The following PAK3 variants were observed in gnomAD, a reference collection of about 807,000 sequenced individuals.
PAK3 encodes serine/threonine-protein kinase PAK 3.
Under a neutral mutation model 41.0 loss-of-function variants are expected in PAK3, and 4 were observed. The observed-to-expected ratio is 0.10, with a 90% confidence interval of 0.05 to 0.22. The LOEUF (loss-of-function observed/expected upper bound fraction) is 0.22. PAK3 is among the 10% of genes least tolerant of loss of function. PAK3 has a pLI of 1.00. For missense variants in PAK3, 205 were observed against 409.9 expected, an observed-to-expected ratio of 0.50 and a Z score of 4.32; for synonymous variants, 146 against 139.6, an observed-to-expected ratio of 1.05 and a Z score of -0.32.
At chrX:111,094,709 A>ACGG (rs1221795022), upstream of PAK3, among the ~76,000 whole-genome samples, 1 of 67,184 alleles carries the variant, frequency 1.5e-5, no homozygotes, top group Non-Finnish European at 2.6e-5. Context: ...TTTTTTGGAG[A>ACGG]CGGAGTTTTG....
chrX:111,012,586 A>G, intron 1 of PAK3, among the ~76,000 whole-genome samples: 1 of 112,094 alleles, frequency 8.9e-6, no homozygotes, highest in East Asian at 2.8e-4. Flanking sequence ...ATAAAAGGGG[A>G]ATTGGAAAGG....
intron 10 of PAK3, chrX:111,169,420 C>G (rs776912172): frequency 9.6e-5 from 12 of 124,777 alleles, no homozygotes; most frequent in Non-Finnish European, 1.9e-4. Context: ...CCCTTCAGTT[C>G]TAATTCTTAC....
Position 111,226,314 on chromosome X carries a change from T to A in PAK3, c.*5867T>A, listed in dbSNP as rs2094952977. On this transcript the variant is annotated 3_prime_UTR_variant, in exon 18 of 18. Transcript: ENST00000372007. ...CCATTTTCTGTTGACTGTTCCCAGT[T>A]TTCATTTTCCATACAGTCTGTATGT... The A allele has an allele frequency of 8.9e-6, 1 of 112,486 alleles. No individual in the cohort carries two copies. The highest frequency in any genetic ancestry group is 3.2e-5 in the African/African-American group (1 of 30,937). The allele number at this position is 112,486 out of a possible 1,213,427, so 9.3% of individuals were successfully genotyped here.
At chrX:111,127,787 C>T (rs922656364) in intron 5 of PAK3, among the ~76,000 whole-genome samples, 2 of 111,420 alleles carry the variant, frequency 1.8e-5, no homozygotes, top group Non-Finnish European at 3.8e-5. Context: ...CTGCCAGGCT[C>T]CATTTCGTGT....
At chrX:111,132,136 A>T (rs754573541) in intron 5 of PAK3, among the ~76,000 whole-genome samples, 11 of 110,787 alleles carry the variant, frequency 9.9e-5, no homozygotes, top group Non-Finnish European at 1.9e-4. Flanking sequence ...GTAACAGATA[A>T]ATCAATGGAC....
chrX:110,956,110 T>A (rs1412315934), intron 1 of PAK3, among the ~76,000 whole-genome samples: 1 of 111,816 alleles, frequency 8.9e-6, no homozygotes, highest in Non-Finnish European at 1.9e-5. Context: ...CAATAGATAG[T>A]GTTTATTTAT....
At chrX:111,147,651 C>T in intron 6 of PAK3, 86 bp from the exon 7 acceptor site, 2 of 662,663 alleles carry the variant, frequency 3.0e-6, no homozygotes, top group Admixed American at 2.2e-5. Context: ...GTAGCATGGG[C>T]TTCTTGGTGA....
intron 1 of PAK3, among the ~76,000 whole-genome samples, chrX:111,010,073 T>A (rs2091989718): frequency 8.9e-6 from 1 of 112,369 alleles, no homozygotes. Flanking sequence ...AACTTCCTAG[T>A]TTTTGACGTT....
chrX:111,224,553 C>T lies in PAK3; in HGVS notation c.*4106C>T, dbSNP rs189138278. On this transcript the variant is annotated 3_prime_UTR_variant, in exon 18 of 18. Transcript: ENST00000372007. Reference sequence around the variant, plus strand: ...GTTATGACTTGCAATTAAAAGCTGACTTTGAAATCATTAAACAAATATGTA... The same window carrying T: ...GTTATGACTTGCAATTAAAAGCTGATTTTGAAATCATTAAACAAATATGTA... The T allele has an allele frequency of 3.1e-3, 348 of 112,537 alleles. 2 individuals are homozygous for T. The highest frequency in any genetic ancestry group is 0.011 in the African/African-American group (332 of 31,056). 9.3% of individuals were successfully genotyped at this position (112,537 alleles called of 1,213,427 possible). A position where few individuals can be genotyped will look rare whatever the true frequency, so the allele number is the denominator to read the frequency against.
At chrX:111,137,565 A>G (rs766603629) in intron 5 of PAK3, among the ~76,000 whole-genome samples, 1 of 111,716 alleles carries the variant, frequency 9.0e-6, no homozygotes, top group South Asian at 3.8e-4. Context: ...TGTTTCTGAT[A>G]GGACAAACTC....
chrX:111,137,643 T>G (rs1381248755), intron 5 of PAK3, among the ~76,000 whole-genome samples: 1 of 111,678 alleles, frequency 9.0e-6, no homozygotes, highest in African/African-American at 3.3e-5. Flanking sequence ...TAGAGGGACT[T>G]CTCATTCTTT....
At position 111,062,179 on chromosome X, in the gene PAK3, C is replaced by T. The variant is rs191361048; in HGVS notation, c.-27-60898C>T. ...ATAATTTGTCACTTCATTTTTAAAC[C>T]TATTTTTTCTCTCTCATTGCATTGG... On this transcript the variant is annotated intron_variant, in intron 1 of 14. Transcript: ENST00000425146. Among the ~76,000 whole-genome samples the T allele has an allele frequency of 3.2e-3, 361 of 111,239 alleles. 1 individual carries two copies. Among genetic ancestry groups the T allele is most frequent in the Non-Finnish European group, 4.6e-3 (243 of 53,034 alleles).
intron 1 of PAK3, among the ~76,000 whole-genome samples, chrX:111,065,219 A>T (rs2092692045): frequency 9.0e-6 from 1 of 110,623 alleles, no homozygotes; most frequent in Admixed American, 9.6e-5. Context: ...TATTATTTTG[A>T]GGTATGTTCC....
At chrX:111,003,469 C>T (rs1213068411) in intron 1 of PAK3, among the ~76,000 whole-genome samples, 3 of 111,504 alleles carry the variant, frequency 2.7e-5, no homozygotes, top group Non-Finnish European at 3.8e-5. Flanking sequence ...CCACCTCTAC[C>T]ACTCCTTGGT....
intron 8 of PAK3, among the ~76,000 whole-genome samples, chrX:111,158,834 G>A (rs1417349628): frequency 8.9e-6 from 1 of 111,866 alleles, no homozygotes; most frequent in Non-Finnish European, 1.9e-5. Flanking sequence ...GTGAAATCTT[G>A]CAGGTGGATC....
chrX:110,977,050 A>G (rs1276323985), intron 1 of PAK3, among the ~76,000 whole-genome samples: 1 of 110,759 alleles, frequency 9.0e-6, no homozygotes, highest in Non-Finnish European at 1.9e-5. Flanking sequence ...TGACACATGT[A>G]TACCTACGTA....
At chrX:110,963,337 T>A (rs1376408884) in intron 1 of PAK3, among the ~76,000 whole-genome samples, 1 of 112,153 alleles carries the variant, frequency 8.9e-6, no homozygotes, top group Non-Finnish European at 1.9e-5. Flanking sequence ...CCCAGTGAGC[T>A]CTTTGTTCTC....
At chrX:110,972,687 G>A (rs1188888311) in intron 1 of PAK3, among the ~76,000 whole-genome samples, 2 of 111,880 alleles carry the variant, frequency 1.8e-5, no homozygotes. Flanking sequence ...CGCCAGCAAC[G>A]GAACAAAGCT....
intron 1 of PAK3, among the ~76,000 whole-genome samples, chrX:111,011,365 GTGTAGGAAGA>G (rs2092008392): frequency 8.9e-6 from 1 of 111,843 alleles, no homozygotes; most frequent in African/African-American, 3.3e-5. Flanking sequence ...TGTTGGGAAG[GTGTAGGAAGA>G]TGAAGCCTAA....
Sources: gnomAD v4.1 joint callset for allele counts (sites outside exome capture counted in the v4.1 genomes callset) on GRCh38, gnomAD v4.1.1 for gene constraint, MANE v1.5 for transcripts, NCBI Gene and HGNC (gene_info 2026-07-23, HGNC 2026-07-21) for gene names.